Variants in PKNOX1 observed in about 807,000 individuals in gnomAD.
PKNOX1 encodes the protein PBX/knotted 1 homeobox 1.
Under a neutral mutation model 51.9 loss-of-function variants are expected in PKNOX1, and 15 were observed. That is an observed-to-expected ratio of 0.29 (90% CI 0.19 to 0.45). The LOEUF (loss-of-function observed/expected upper bound fraction) is 0.45, where lower values mean the gene tolerates loss of function less well. PKNOX1 is among the 20% of genes least tolerant of loss of function. The pLI is 1.00. For missense variants in PKNOX1, 462 were observed against 547.5 expected, an observed-to-expected ratio of 0.84 and a Z score of 1.56; for synonymous variants, 219 against 211.1, an observed-to-expected ratio of 1.04 and a Z score of -0.32.
intron 5 of PKNOX1, among the ~76,000 whole-genome samples, chr21:43,014,941 G>T (rs967926932): frequency 6.6e-6 from 1 of 152,202 alleles, no homozygotes; most frequent in African/African-American, 2.4e-5. Context: ...TATTATACCT[G>T]TATATCAATC....
chr21:43,014,307 T>C (rs1038994185), intron 5 of PKNOX1, among the ~76,000 whole-genome samples: 48 of 152,022 alleles, frequency 3.2e-4, no homozygotes, highest in Non-Finnish European at 5.9e-4. Flanking sequence ...AAGCATGAGC[T>C]ACCACGCCTG....
chr21:43,021,394 C>T lies in PKNOX1; in HGVS notation c.812C>T (p.Thr271Met). 10 of 1,613,210 alleles carry T rather than the reference C, an allele frequency of 6.2e-6. No homozygotes were observed. Among genetic ancestry groups the T allele is most frequent in the Non-Finnish European group, 8.5e-6 (10 of 1,179,496 alleles). The part of the protein sequence containing the change: ...NKRGVLPKHA[T>M]NVMRSWLFQH... ...AGGGGCGTCCTGCCAAAGCATGCCACGAACGTGATGCGGTCCTGGCTCTTC... is the reference window on the plus strand; with the variant it reads ...AGGGGCGTCCTGCCAAAGCATGCCATGAACGTGATGCGGTCCTGGCTCTTC... Residue 271 changes from threonine (T) to methionine (M), a missense_variant, in exon 8 of 11, where the codon ACG becomes ATG. Thr to Met is a moderately conservative substitution (Grantham distance 81, BLOSUM62 -1). Around this residue, in one of 5 missense-constraint regions of PKNOX1, gnomAD observed 75 missense variants for 129.8 expected, o/e 0.58. Coordinates refer to ENST00000291547, the MANE Select transcript of PKNOX1 (RefSeq NM_004571.5). This position sits in a 1 kb window ranked among gnomAD's most constrained non-coding sequence, Gnocchi z 4.6.
rs1978588868 is a variant in PKNOX1, at chr21:42,998,070, G to A, written c.-56-6256G>A. ...CCATTTTCACACTGCTGATAAAGTT[G>A]TACCCAAGACTGGGCAATTTACAAA... On this transcript the variant is annotated intron_variant, in intron 1 of 10. Coordinates refer to ENST00000291547, the MANE Select transcript of PKNOX1 (RefSeq NM_004571.5). 3.9e-5 allele frequency among the ~76,000 whole-genome samples: 6 copies of A among 152,134 alleles called. No homozygotes were observed. In the South Asian group the frequency reaches 1.2e-3, roughly 32 times the overall value.
At chr21:43,000,959 G>A (rs1027292326) in intron 1 of PKNOX1, among the ~76,000 whole-genome samples, 7 of 152,202 alleles carry the variant, frequency 4.6e-5, no homozygotes, top group African/African-American at 1.7e-4. Flanking sequence ...AACCAGGTAG[G>A]AGCCTCCTAC....
rs1282890903 is a variant in PKNOX1, at chr21:43,032,417, C to G, written c.*2316C>G. 4 of 293,676 alleles carry G rather than the reference C, an allele frequency of 1.4e-5. No individual in the cohort carries two copies. Among genetic ancestry groups the G allele is most frequent in the African/African-American group, 8.7e-5 (4 of 45,762 alleles). The allele number at this position is 293,676 out of a possible 1,614,324, so 18.2% of individuals were successfully genotyped here. ...CATGTATAGGTCACCGTTTCTTTCC[C>G]CCACTAGAAATCACATTCACTAAGC... On this transcript the variant is annotated 3_prime_UTR_variant, in exon 11 of 11. Coordinates refer to ENST00000291547, the MANE Select transcript of PKNOX1 (RefSeq NM_004571.5).
chr21:42,990,891 T>C (rs1467698504), intron 1 of PKNOX1, among the ~76,000 whole-genome samples: 2 of 152,258 alleles, frequency 1.3e-5, no homozygotes, highest in African/African-American at 4.8e-5. Flanking sequence ...GAGGTCAGCA[T>C]GTTTCCTCCC....
Position 43,032,406 on chromosome 21 carries a change from C to T in PKNOX1, c.*2305C>T, listed in dbSNP as rs940377479. 2.8e-5 allele frequency: 8 copies of T among 280,958 alleles called. No individual in the cohort carries two copies. Among genetic ancestry groups the T allele is most frequent in the Admixed American group, 1.2e-4 (3 of 24,130 alleles). The allele number at this position is 280,958 out of a possible 1,614,324, so 17.4% of individuals were successfully genotyped here. ...GAATGTAGACTCATGTATAGGTCAC[C>T]GTTTCTTTCCCCCACTAGAAATCAC... On this transcript the variant is annotated 3_prime_UTR_variant, in exon 11 of 11. Transcript: ENST00000291547.
chr21:42,981,305 T>G (rs1159214365), intron 1 of PKNOX1, among the ~76,000 whole-genome samples: 4 of 152,214 alleles, frequency 2.6e-5, no homozygotes, highest in Admixed American at 2.6e-4. Context: ...CTCGTGACAG[T>G]GTGCAAAGTC....
chr21:43,002,505 G>T (rs990552044), intron 1 of PKNOX1, among the ~76,000 whole-genome samples: 3 of 149,030 alleles, frequency 2.0e-5, no homozygotes, highest in African/African-American at 7.4e-5. Context: ...CCAGAATGAC[G>T]CTGTTGAGGG....
At chr21:43,004,146 A>G in intron 1 of PKNOX1, 180 bp from the exon 2 acceptor site, 1 of 367,246 alleles carries the variant, frequency 2.7e-6, no homozygotes, top group South Asian at 2.5e-5. Flanking sequence ...CTGAGGCAGG[A>G]GAAACACTTG....
At chr21:43,008,304 T>C (rs1431549690) in intron 3 of PKNOX1, among the ~76,000 whole-genome samples, 1 of 152,126 alleles carries the variant, frequency 6.6e-6, no homozygotes, top group Non-Finnish European at 1.5e-5. Context: ...ATAATTGACA[T>C]CACTCTGACA....
At chr21:43,027,777 G>A (rs1300272010) in intron 9 of PKNOX1, among the ~76,000 whole-genome samples, 1 of 152,176 alleles carries the variant, frequency 6.6e-6, no homozygotes, top group East Asian at 1.9e-4. Context: ...TGAGCTGGGC[G>A]AGGTGGTGGG....
intron 1 of PKNOX1, among the ~76,000 whole-genome samples, chr21:42,989,889 A>T (rs967088009): frequency 2.0e-5 from 3 of 152,168 alleles, no homozygotes; most frequent in African/African-American, 7.2e-5. Flanking sequence ...GCTTGAGCTC[A>T]GGAGTTTGAG....
intron 1 of PKNOX1, among the ~76,000 whole-genome samples, chr21:42,984,901 G>T (rs1471877757): frequency 5.3e-5 from 2 of 37,636 alleles, no homozygotes; most frequent in Admixed American, 4.1e-4. Context: ...CCCAGTGTAG[G>T]CAGTGCCTGA....
Position 43,018,276 on chromosome 21 carries a change from A to G in PKNOX1, c.720+46A>G, listed in dbSNP as rs751543451. 4 of 1,154,678 alleles carry G rather than the reference A, an allele frequency of 3.5e-6. No homozygotes were observed. The East Asian group carries it at 9.4e-5, about 27-fold the overall frequency. 71.5% of individuals were successfully genotyped at this position (1,154,678 alleles called of 1,614,324 possible). A position where few individuals can be genotyped will look rare whatever the true frequency, so the allele number is the denominator to read the frequency against. Reference sequence around the variant, plus strand: ...AAGGCTTTGGGGGCGAGTGCTGCCCACATAGGGGCACAGGTAGAACAAGCA... The same window carrying G: ...AAGGCTTTGGGGGCGAGTGCTGCCCGCATAGGGGCACAGGTAGAACAAGCA... On this transcript the variant is annotated intron_variant, in intron 7 of 10. Coordinates refer to ENST00000291547, the MANE Select transcript of PKNOX1 (RefSeq NM_004571.5).
chr21:42,985,809 GT>G (rs1453043349), intron 1 of PKNOX1, among the ~76,000 whole-genome samples: 1 of 148,914 alleles, frequency 6.7e-6, no homozygotes, highest in Non-Finnish European at 1.5e-5. Flanking sequence ...GACCAGCCTG[GT>G]CAACATGGCA....
chr21:42,995,608 G>T (rs1177509384), intron 1 of PKNOX1, among the ~76,000 whole-genome samples: 2 of 152,200 alleles, frequency 1.3e-5, no homozygotes, highest in African/African-American at 4.8e-5. Context: ...AACCTGGGAG[G>T]TTGAGGCTGC....
intron 1 of PKNOX1, among the ~76,000 whole-genome samples, chr21:42,988,743 C>T (rs2059069790): frequency 6.6e-6 from 1 of 152,070 alleles, no homozygotes; most frequent in Admixed American, 6.5e-5. Context: ...GACAGCAGGG[C>T]AGGCTCCTTG....
At chr21:43,001,797 G>A (rs1290001172) in intron 1 of PKNOX1, among the ~76,000 whole-genome samples, 1 of 151,704 alleles carries the variant, frequency 6.6e-6, no homozygotes, top group Non-Finnish European at 1.5e-5. Flanking sequence ...CGTCTCTACT[G>A]AAAAGACAAA....
Sources: gnomAD v4.1 joint callset for allele counts (sites outside exome capture counted in the v4.1 genomes callset) on GRCh38, gnomAD v4.1.1 for gene constraint, gnomAD v4.1.1 regional missense constraint, Gnocchi (gnomAD v3.1) non-coding constraint, MANE v1.5 for transcripts, NCBI Gene and HGNC (gene_info 2026-07-23, HGNC 2026-07-21) for gene names.